The following KCMF1 variants were observed in gnomAD, a reference collection of about 807,000 sequenced individuals.
The protein encoded by KCMF1 is potassium channel modulatory factor 1.
KCMF1 carries 3 observed loss-of-function variants against 41.1 expected under a neutral mutation model. That is an observed-to-expected ratio of 0.07 (90% CI 0.03 to 0.19). KCMF1 has a LOEUF of 0.19. KCMF1 is among the 10% of genes least tolerant of loss of function. The pLI is 1.00. For synonymous variants in KCMF1, 142 were observed against 164.5 expected (o/e 0.86, Z 1.04); for missense variants, 286 against 488.9 (o/e 0.58, Z 3.91).
chr2:85,014,710 TGC>T (rs1674725408), intron 1 of KCMF1, among the ~76,000 whole-genome samples: 3 of 128,184 alleles, frequency 2.3e-5, no homozygotes, highest in East Asian at 4.0e-4. Context: ...GGCGCGCGCG[TGC>T]GTGCGTGCGT....
At chr2:84,994,170 G>A (rs897180537) in intron 1 of KCMF1, among the ~76,000 whole-genome samples, 78 of 150,358 alleles carry the variant, frequency 5.2e-4, no homozygotes, top group African/African-American at 1.8e-3. Context: ...GGATGGTCTC[G>A]ATCTCCTGAC....
Position 85,035,073 on chromosome 2 carries a change from C to A in KCMF1, c.242C>A (p.Pro81His). The change falls in exon 3 of 7, where the codon CCC becomes CAC. Residue 81 changes from proline to histidine, a missense_variant. Pro to His is a moderately conservative substitution (Grantham distance 77, BLOSUM62 -2). Coordinates refer to ENST00000409785, the MANE Select transcript of KCMF1 (RefSeq NM_020122.5). ...SVEQPQSFTC[P>H]YCGKMGYTET... ...GAGCAGCCACAGTCTTTTACTTGTC[C>A]CTATTGTGGAAAAATGGGCTATACG... 1 of 1,612,706 alleles carries A rather than the reference C, an allele frequency of 6.2e-7. No individual in the cohort carries two copies. The highest frequency in any genetic ancestry group is 8.5e-7 in the Non-Finnish European group (1 of 1,179,034).
intron 1 of KCMF1, among the ~76,000 whole-genome samples, chr2:85,016,270 G>A (rs1674766345): frequency 6.6e-6 from 1 of 152,100 alleles, no homozygotes; most frequent in South Asian, 2.1e-4. Flanking sequence ...CTCTTGAAGA[G>A]TGTGTTTGTA....
intron 1 of KCMF1, among the ~76,000 whole-genome samples, chr2:84,996,289 C>T (rs1306414460): frequency 6.6e-6 from 1 of 152,056 alleles, no homozygotes; most frequent in Non-Finnish European, 1.5e-5. Flanking sequence ...AAAGTAATGT[C>T]ACCCAACCAC....
At position 85,058,245 on chromosome 2, in the gene KCMF1, TG is replaced by T. The variant is rs1413398530; in HGVS notation, c.*4838del. On this transcript the variant is annotated 3_prime_UTR_variant, in exon 7 of 7. Transcript: ENST00000409785. ...TAAAAATACGAAAATTAGCTGGGCT[TG>T]GTGGCAGATGCCTGTAATTCCTGCT... is the stretch of plus-strand genomic sequence containing the variant. 6.6e-6 allele frequency: 1 copy of T among 152,232 alleles called. No homozygotes were observed. The highest frequency in any genetic ancestry group is 1.5e-5 in the Non-Finnish European group (1 of 68,096). The allele number at this position is 152,232 out of a possible 1,614,324, so 9.4% of individuals were successfully genotyped here.
At chr2:85,023,837 C>G (rs1675016802) in intron 1 of KCMF1, among the ~76,000 whole-genome samples, 1 of 152,202 alleles carries the variant, frequency 6.6e-6, no homozygotes, top group Non-Finnish European at 1.5e-5. Context: ...AGGGTATAAG[C>G]ACTTCTGCTG....
chr2:84,975,670 C>T (rs1236590656), intron 1 of KCMF1, among the ~76,000 whole-genome samples: 1 of 152,138 alleles, frequency 6.6e-6, no homozygotes, highest in African/African-American at 2.4e-5. Context: ...TTCACCCTGC[C>T]AACACTGTCT....
intron 1 of KCMF1, among the ~76,000 whole-genome samples, chr2:84,979,285 G>A (rs1673640637): frequency 6.6e-6 from 1 of 152,178 alleles, no homozygotes; most frequent in South Asian, 2.1e-4. Flanking sequence ...TCCCATGGGA[G>A]ACCAAGATGG....
At chr2:85,008,340 G>GATGTATA (rs1674547053) in intron 1 of KCMF1, among the ~76,000 whole-genome samples, 1 of 27,320 alleles carries the variant, frequency 3.7e-5, no homozygotes, top group Non-Finnish European at 7.3e-5. Flanking sequence ...TATATAATAT[G>GATGTATA]ATATATAATA....
chr2:85,043,488 T>TA (rs1675590254), intron 3 of KCMF1, 76 bp from the exon 4 acceptor site: 1 of 835,368 alleles, frequency 1.2e-6, no homozygotes, highest in East Asian at 2.6e-5. Flanking sequence ...TAGTAAAACT[T>TA]ACAGCAGAAT....
intron 2 of KCMF1, among the ~76,000 whole-genome samples, chr2:85,028,544 C>T (rs1185447449): frequency 8.5e-6 from 1 of 117,936 alleles, no homozygotes; most frequent in Admixed American, 1.2e-4. Context: ...GGCTGGAGTG[C>T]AATGTCGTGA....
At chr2:84,984,914 C>T (rs980494450) in intron 1 of KCMF1, among the ~76,000 whole-genome samples, 1 of 151,996 alleles carries the variant, frequency 6.6e-6, no homozygotes, top group Non-Finnish European at 1.5e-5. Context: ...GCCTCGAACT[C>T]TTGGGCTCAA....
rs145965422 is a variant in KCMF1 at position 85,042,440 on chromosome 2, A to G, written c.325-1124A>G. On this transcript the variant is annotated intron_variant, in intron 3 of 6. Transcript: ENST00000409785. ...ATCTCCAGCGCTACCACCTACTCCC[A>G]CTGTGCTGGCAGCAGACAATAAGGT... Among the ~76,000 whole-genome samples, 80 of 152,052 alleles carry G rather than the reference A, an allele frequency of 5.3e-4. No homozygotes were observed. The East Asian group carries it at 0.013, about 25-fold the overall frequency.
At position 85,046,093 on chromosome 2, in the gene KCMF1, T is replaced by A. The variant is rs774880865; in HGVS notation, c.427-11T>A. On this transcript the variant is annotated splice_polypyrimidine_tract_variant and intron_variant, in intron 4 of 6. Transcript: ENST00000409785. Reference sequence around the variant, plus strand: ...GAAATACTTTCGTTTTTTTCTTAACTTTTGGGTTATGATGAATCGAGTGGT... The same window carrying A: ...GAAATACTTTCGTTTTTTTCTTAACATTTGGGTTATGATGAATCGAGTGGT... 4.4e-6 allele frequency: 7 copies of A among 1,599,298 alleles called. No homozygotes were observed. In the Admixed American group the frequency reaches 1.2e-4, roughly 28 times the overall value.
At chr2:85,047,367 T>C (rs1025956532) in intron 5 of KCMF1, among the ~76,000 whole-genome samples, 1 of 152,154 alleles carries the variant, frequency 6.6e-6, no homozygotes, top group Non-Finnish European at 1.5e-5. Context: ...TGTCACAGAT[T>C]TATGCCTATC....
chr2:85,018,883 C>A (rs1375381675), intron 1 of KCMF1, among the ~76,000 whole-genome samples: 1 of 139,016 alleles, frequency 7.2e-6, no homozygotes, highest in South Asian at 2.3e-4. Context: ...TGGCTCACTG[C>A]AACCTCGACC....
chr2:84,996,912 A>G (rs1015907340), intron 1 of KCMF1, among the ~76,000 whole-genome samples: 4 of 152,300 alleles, frequency 2.6e-5, no homozygotes, highest in Admixed American at 2.6e-4. Context: ...CCTAGACGGT[A>G]TAGCCTACTA....
In KCMF1 at chr2:85,011,830, GC is replaced by G. The variant is rs1674658720; in HGVS notation, c.17-16058del. ...CATCGTAGACATTTTGGGCCAGGGG[GC>G]TGTCCTGTGTTTTGTAGGATGTTTA... On this transcript the variant is annotated intron_variant, in intron 1 of 6. Transcript: ENST00000409785. Among the ~76,000 whole-genome samples the G allele has an allele frequency of 3.3e-5, 5 of 152,288 alleles. No homozygotes were observed. The South Asian group carries it at 8.3e-4, about 25-fold the overall frequency.
chr2:85,015,551 T>C (rs1424333634), intron 1 of KCMF1, among the ~76,000 whole-genome samples: 1 of 132,886 alleles, frequency 7.5e-6, no homozygotes, highest in Middle Eastern at 5.0e-3. Context: ...TGTAGATCAG[T>C]TCTTTAAAAT....
Sources: allele counts gnomAD v4.1 joint callset (sites outside exome capture counted in the v4.1 genomes callset), GRCh38; gene constraint gnomAD v4.1.1; transcripts MANE v1.5; gene names NCBI Gene and HGNC (gene_info 2026-07-23, HGNC 2026-07-21).